Variants in TCEAL1 observed in about 807,000 individuals in gnomAD.
TCEAL1 encodes the protein transcription elongation factor A like 1, also known as transcription elongation factor A protein-like 1.
For synonymous variants in TCEAL1, 48 were observed against 46.0 expected (o/e 1.04, Z -0.17); for missense variants, 82 against 125.9 (o/e 0.65, Z 1.67).
At chrX:103,628,876 A>G (rs1422576550), upstream of TCEAL1, 1 of 112,131 alleles carries the variant, frequency 8.9e-6, no homozygotes, top group African/African-American at 3.2e-5. Flanking sequence ...CGCAGATCAA[A>G]GTGGTAACTG....
Position 103,630,263 on chromosome X carries a change from A to G in TCEAL1, c.347A>G (p.Asp116Gly), listed in dbSNP as rs1185622805. The G allele has an allele frequency of 8.3e-7, 1 of 1,210,543 alleles. No individual in the cohort carries two copies. Among genetic ancestry groups the G allele is most frequent in the African/African-American group, 1.7e-5 (1 of 57,254 alleles). Residue 116 changes from aspartate to glycine, a missense_variant, in exon 3 of 3, where the codon GAC becomes GGC. By Grantham distance (94) the Asp-to-Gly change is moderately conservative. Coordinates refer to ENST00000372625, the MANE Select transcript of TCEAL1 (RefSeq NM_004780.3). The stretch of plus-strand genomic sequence containing the variant: ...CGTTCTCGCCCGCAATTTAGAGGGG[A>G]CATACATGGCAGAAATTTAAGCAAT... ...LARSRPQFRG[D>G]IHGRNLSNEE...
intron 2 of TCEAL1, 95 bp downstream of exon 2, chrX:103,629,668 G>A (rs892221430): frequency 5.4e-6 from 2 of 371,963 alleles, no homozygotes; most frequent in African/African-American, 5.1e-5. Context: ...TGCGGGCGAG[G>A]CCTGTAGCAA....
chrX:103,629,640 C>T (rs2073712508), intron 2 of TCEAL1, 67 bp downstream of exon 2: 1 of 310,986 alleles, frequency 3.2e-6, no homozygotes, highest in East Asian at 5.1e-5. Flanking sequence ...GCAGGCCGCA[C>T]TGTCCCGCCC....
chrX:103,629,255 T>C (rs1358722000), intron 1 of TCEAL1, among the ~76,000 whole-genome samples: 1 of 111,147 alleles, frequency 9.0e-6, no homozygotes. Flanking sequence ...GGAAATAGTT[T>C]CTAAAAATGC....
At chrX:103,629,228 G>A (rs895684970) in intron 1 of TCEAL1, among the ~76,000 whole-genome samples, 1 of 111,449 alleles carries the variant, frequency 9.0e-6, no homozygotes, top group Non-Finnish European at 1.9e-5. Flanking sequence ...TCCCCCGGGA[G>A]GGGGGTACAG....
chrX:103,630,432 A>G lies in TCEAL1; in HGVS notation c.*36A>G. 8.9e-7 allele frequency: 1 copy of G among 1,118,528 alleles called. No individual in the cohort carries two copies. The highest frequency in any genetic ancestry group is 2.3e-5 in the South Asian group (1 of 43,642). 92.2% of individuals were successfully genotyped at this position (1,118,528 alleles called of 1,213,427 possible). A position where few individuals can be genotyped will look rare whatever the true frequency, so the allele number is the denominator to read the frequency against. The stretch of plus-strand genomic sequence containing the variant: ...CTTTAATTCTGTTTTGCCTGCTAAT[A>G]GTATTGCCATTGCCACCTGGACTTT... On this transcript the variant is annotated 3_prime_UTR_variant, in exon 3 of 3. Transcript: ENST00000372625.
In TCEAL1 at chrX:103,630,477, G is replaced by T; in HGVS notation, c.*81G>T. ...GACTTTCTGTTTGCATTTTCTTAAT[G>T]CCTTTTCCCATATTCTGAATTTTAA... On this transcript the variant is annotated 3_prime_UTR_variant, in exon 3 of 3. Coordinates refer to ENST00000372625, the MANE Select transcript of TCEAL1 (RefSeq NM_004780.3). 9.9e-7 allele frequency: 1 copy of T among 1,013,423 alleles called. No homozygotes were observed. 83.5% of individuals were successfully genotyped at this position (1,013,423 alleles called of 1,213,427 possible). A position where few individuals can be genotyped will look rare whatever the true frequency, so the allele number is the denominator to read the frequency against.
chrX:103,629,988 G>A lies in TCEAL1; in HGVS notation c.72G>A (p.Pro24=). 2 of 1,196,398 alleles carry A rather than the reference G, an allele frequency of 1.7e-6. No homozygotes were observed. The highest frequency in any genetic ancestry group is 2.3e-6 in the Non-Finnish European group (2 of 887,395). ...SAPKTDEERP[P]VEHSPEKQSP... is the part of the protein sequence containing the mutation. ...CCAAGACCGATGAGGAGAGGCCTCC[G>A]GTGGAGCACTCTCCCGAAAAGCAGT... The change falls in exon 3 of 3, where the codon CCG becomes CCA. Residue 24 remains proline, a synonymous_variant. Coordinates refer to ENST00000372625, the MANE Select transcript of TCEAL1 (RefSeq NM_004780.3).
rs1156573588 is a variant in TCEAL1 at position 103,630,883 on chromosome X, G to T, written c.*487G>T. 1 of 123,197 alleles carries T rather than the reference G, an allele frequency of 8.1e-6. No homozygotes were observed. The highest frequency in any genetic ancestry group is 1.9e-5 in the Non-Finnish European group (1 of 53,270). 10.2% of individuals were successfully genotyped at this position (123,197 alleles called of 1,213,427 possible). On this transcript the variant is annotated 3_prime_UTR_variant, in exon 3 of 3. Coordinates refer to ENST00000372625, the MANE Select transcript of TCEAL1 (RefSeq NM_004780.3). ...TATAATGAAAAAATCACACAATTTTGAAGAAAACTGTCAATCAGCTTATAA... is the reference window on the plus strand; with the variant it reads ...TATAATGAAAAAATCACACAATTTTTAAGAAAACTGTCAATCAGCTTATAA...
In TCEAL1 at chrX:103,630,030, T is replaced by C. The variant is rs199724057; in HGVS notation, c.114T>C (p.Ser38=). 1 of 1,209,093 alleles carries C rather than the reference T, an allele frequency of 8.3e-7. No homozygotes were observed. The change falls in exon 3 of 3, where the codon TCT becomes TCC. Residue 38 remains serine, a synonymous_variant. Coordinates refer to ENST00000372625, the MANE Select transcript of TCEAL1 (RefSeq NM_004780.3). The part of the protein sequence containing the change: ...SPEKQSPEEQ[S]SEEQSSEEEF... ...AAAAGCAGTCCCCCGAGGAGCAGTCTTCGGAGGAGCAGTCCTCGGAGGAGG... is the reference window on the plus strand; with the variant it reads ...AAAAGCAGTCCCCCGAGGAGCAGTCCTCGGAGGAGCAGTCCTCGGAGGAGG...
At chrX:103,629,227 AG>A (rs1390601949) in intron 1 of TCEAL1, among the ~76,000 whole-genome samples, 1 of 110,542 alleles carries the variant, frequency 9.0e-6, no homozygotes, top group Non-Finnish European at 1.9e-5. Flanking sequence ...GTCCCCCGGG[AG>A]GGGGGTACAG....
rs753721552 is a variant in TCEAL1, at chrX:103,630,859, A to G, written c.*463A>G. On this transcript the variant is annotated 3_prime_UTR_variant, in exon 3 of 3. Coordinates refer to ENST00000372625, the MANE Select transcript of TCEAL1 (RefSeq NM_004780.3). ...CGTTTTACTTGTGTTGCAAAAATAT[A>G]TAATGAAAAAATCACACAATTTTGA... The G allele has an allele frequency of 2.4e-5, 3 of 123,696 alleles. No individual in the cohort carries two copies. Among genetic ancestry groups the G allele is most frequent in the Non-Finnish European group, 5.6e-5 (3 of 53,440 alleles). The allele number at this position is 123,696 out of a possible 1,213,427, so 10.2% of individuals were successfully genotyped here. A position where few individuals can be genotyped will look rare whatever the true frequency, so the allele number is the denominator to read the frequency against.
rs949176454 is a variant in TCEAL1 at position 103,630,561 on chromosome X, C to T, written c.*165C>T. ...TGTAACTCGCTTAAAGTTGAGGTTT[C>T]CCCCTAAAATCTACAAGTTTCCCTC... On this transcript the variant is annotated 3_prime_UTR_variant, in exon 3 of 3. Coordinates refer to ENST00000372625, the MANE Select transcript of TCEAL1 (RefSeq NM_004780.3). The T allele has an allele frequency of 2.1e-5, 12 of 571,139 alleles. No individual in the cohort carries two copies. Among genetic ancestry groups the T allele is most frequent in the Non-Finnish European group, 2.9e-5 (11 of 377,920 alleles). 47.1% of individuals were successfully genotyped at this position (571,139 alleles called of 1,213,427 possible).
chrX:103,629,916 C>T lies in TCEAL1; in HGVS notation c.-1C>T. On this transcript the variant is annotated 5_prime_UTR_variant, in exon 3 of 3. Coordinates refer to ENST00000372625, the MANE Select transcript of TCEAL1 (RefSeq NM_004780.3). The stretch of plus-strand genomic sequence containing the variant: ...TGTGCTTGAAGAAGAAAATTCCCAA[C>T]ATGGACAAACCACGCAAAGAAAATG... The T allele has an allele frequency of 8.8e-7, 1 of 1,131,894 alleles. No individual in the cohort carries two copies. The highest frequency in any genetic ancestry group is 1.8e-5 in the African/African-American group (1 of 54,642). 93.3% of individuals were successfully genotyped at this position (1,131,894 alleles called of 1,213,427 possible). A position where few individuals can be genotyped will look rare whatever the true frequency, so the allele number is the denominator to read the frequency against.
upstream of TCEAL1, chrX:103,628,957 G>C (rs1055417258): frequency 8.9e-6 from 1 of 112,070 alleles, no homozygotes; most frequent in Non-Finnish European, 1.9e-5. Context: ...AGTCCCTCTC[G>C]TCCCGGTCTT....
At position 103,630,086 on chromosome X, in the gene TCEAL1, T is replaced by A; in HGVS notation, c.170T>A (p.Leu57His). ...TTTCCTGAGGAGCTCTTGCCTGAGC[T>A]CCTGCCTGAGATGCTCCTCTCGGAG... is the stretch of plus-strand genomic sequence containing the variant. ...EFFPEELLPE[L>H]LPEMLLSEER... The change falls in exon 3 of 3, where the codon CTC becomes CAC. Residue 57 changes from leucine to histidine, a missense_variant. Coordinates refer to ENST00000372625, the MANE Select transcript of TCEAL1 (RefSeq NM_004780.3). 8.3e-7 allele frequency: 1 copy of A among 1,209,849 alleles called. No individual in the cohort carries two copies. The highest frequency in any genetic ancestry group is 1.1e-6 in the Non-Finnish European group (1 of 894,740).
chrX:103,629,798 GA>G lies in TCEAL1; in HGVS notation c.-32-83del, dbSNP rs1227446235. 4 of 909,612 alleles carry G rather than the reference GA, an allele frequency of 4.4e-6. No individual in the cohort carries two copies. In the East Asian group the frequency reaches 1.1e-4, roughly 24 times the overall value. 75.0% of individuals were successfully genotyped at this position (909,612 alleles called of 1,213,427 possible). Reference sequence around the variant, plus strand: ...GTTGAGGACCTGGCCCCCGAATCAGGAAAAGGCAGGTATTGGAACCCACGGC... The same window carrying G: ...GTTGAGGACCTGGCCCCCGAATCAGGAAAGGCAGGTATTGGAACCCACGGC... On this transcript the variant is annotated intron_variant, in intron 2 of 2. Coordinates refer to ENST00000372625, the MANE Select transcript of TCEAL1 (RefSeq NM_004780.3).
At chrX:103,629,621 A>T (rs962683497) in intron 2 of TCEAL1, 48 bp downstream of exon 2, 5 of 268,827 alleles carry the variant, frequency 1.9e-5, no homozygotes, top group East Asian at 1.8e-4. Context: ...GCCGAAAGGC[A>T]TGGAGTCTGC....
At chrX:103,629,650 C>T (rs2073712648) in intron 2 of TCEAL1, 77 bp downstream of exon 2, 3 of 345,644 alleles carry the variant, frequency 8.7e-6, no homozygotes, top group South Asian at 6.9e-5. Flanking sequence ...CTGTCCCGCC[C>T]CTGTCACTGC....
Sources: allele counts gnomAD v4.1 joint callset (sites outside exome capture counted in the v4.1 genomes callset), GRCh38; gene constraint gnomAD v4.1.1; transcripts MANE v1.5; gene names NCBI Gene and HGNC (gene_info 2026-07-23, HGNC 2026-07-21).